CNTLN: variants seen among roughly 807,000 people sequenced by gnomAD.
The protein encoded by CNTLN is centlein, centrosomal protein.
Under a neutral mutation model 180.0 loss-of-function variants are expected in CNTLN, and 212 were observed. The observed-to-expected ratio is 1.18, with a 90% CI of 1.05 to 1.32. The LOEUF (loss-of-function observed/expected upper bound fraction) is 1.32, where lower values mean the gene tolerates loss of function less well. Among genes scored for constraint, CNTLN ranks in the 40% most tolerant of loss-of-function variants. The probability of loss-of-function intolerance (pLI) is 0.00; values close to 1 mark genes in which losing one functional copy is unlikely to be tolerated. For synonymous variants in CNTLN, 722 were observed against 563.1 expected, an observed-to-expected ratio of 1.28 and a Z score of -3.99; for missense variants, 2,095 against 1,610.9, an observed-to-expected ratio of 1.30 and a Z score of -5.14.
At chr9:17,508,968 G>C in the CNTLN span, among the ~76,000 whole-genome samples, 1 of 152,192 alleles carries the variant, frequency 6.6e-6, no homozygotes, top group Admixed American at 6.5e-5. Context: ...TACATCCCAT[G>C]TCATGCTCAC....
intron 2 of CNTLN, among the ~76,000 whole-genome samples, chr9:17,153,817 A>C (rs2131533816): frequency 6.6e-6 from 1 of 152,220 alleles, no homozygotes; most frequent in South Asian, 2.1e-4. Context: ...TGGTCTTTTC[A>C]CATAGTCCCA....
Position 17,208,080 on chromosome 9 carries a change from A to G in CNTLN, c.450-18123A>G, listed in dbSNP as rs1040252301. Reference sequence around the variant, plus strand: ...AAAGACTTACAGTTTTTCCACATTCAATATTAATACTAGCTTTTGGTTTGT... The same window carrying G: ...AAAGACTTACAGTTTTTCCACATTCGATATTAATACTAGCTTTTGGTTTGT... On this transcript the variant is annotated intron_variant, in intron 2 of 25. Transcript: ENST00000380647. Among the ~76,000 whole-genome samples the G allele has an allele frequency of 5.9e-5, 9 of 152,216 alleles. No individual in the cohort carries two copies. The East Asian group carries it at 1.7e-3, about 30-fold the overall frequency.
At chr9:17,290,849 G>T (rs1829341701) in intron 6 of CNTLN, among the ~76,000 whole-genome samples, 1 of 152,190 alleles carries the variant, frequency 6.6e-6, no homozygotes, top group Non-Finnish European at 1.5e-5. Context: ...GTGAGGCAAT[G>T]CCTCGCCCTG....
chr9:17,392,509 G>T (rs1016801198), intron 14 of CNTLN, among the ~76,000 whole-genome samples: 1 of 152,070 alleles, frequency 6.6e-6, no homozygotes, highest in Admixed American at 6.6e-5. Context: ...ATATTAATCA[G>T]CTCCCCAATA....
intron 20 of CNTLN, 29 bp downstream of exon 20, chr9:17,463,042 A>G (rs1439392845): frequency 7.2e-7 from 1 of 1,393,300 alleles, no homozygotes; most frequent in African/African-American, 1.5e-5. Flanking sequence ...TATCCATTGT[A>G]TTTGGTGCCA....
intron 2 of CNTLN, among the ~76,000 whole-genome samples, chr9:17,148,524 C>T (rs1818612490): frequency 6.6e-6 from 1 of 152,154 alleles, no homozygotes. Context: ...CTTATCTAAC[C>T]CATTGTTTTC....
chr9:17,418,361 C>T (rs192646754), intron 18 of CNTLN, among the ~76,000 whole-genome samples: 206 of 152,008 alleles, frequency 1.4e-3, no homozygotes, highest in African/African-American at 4.8e-3. Context: ...TAAAGTAACT[C>T]CCCAAATATT....
chr9:17,209,343 A>G (rs959889581), intron 2 of CNTLN, among the ~76,000 whole-genome samples: 1 of 152,166 alleles, frequency 6.6e-6, no homozygotes, highest in African/African-American at 2.4e-5. Context: ...CATATGGTCT[A>G]TTCTTGATAA....
chr9:17,280,163 G>C (rs568299209), intron 6 of CNTLN, among the ~76,000 whole-genome samples: 1 of 152,258 alleles, frequency 6.6e-6, no homozygotes, highest in African/African-American at 2.4e-5. Flanking sequence ...ACAATCACTA[G>C]TAACTGAAAG....
chr9:17,458,409 T>C (rs1831261725), intron 19 of CNTLN, among the ~76,000 whole-genome samples: 1 of 151,908 alleles, frequency 6.6e-6, no homozygotes, highest in South Asian at 2.1e-4. Context: ...TTTTCTTCAG[T>C]GGGGATTGCT....
chr9:17,480,374 CATT>C (rs1275074867), intron 23 of CNTLN, among the ~76,000 whole-genome samples: 64 of 146,710 alleles, frequency 4.4e-4, no homozygotes, highest in Non-Finnish European at 1.2e-4. Context: ...AAAAAAAACA[CATT>C]AGGAATGACA....
In CNTLN at chr9:17,409,749, A is replaced by T. The variant is rs965714749; in HGVS notation, c.2796+276A>T. 3.9e-5 allele frequency among the ~76,000 whole-genome samples: 6 copies of T among 152,232 alleles called. No homozygotes were observed. In the South Asian group the frequency reaches 1.2e-3, roughly 32 times the overall value. Reference sequence around the variant, plus strand: ...AATAAGCTCATTATTGTTTTCAGGTATATGAAATATTCCAAATGATGAAAC... The same window carrying T: ...AATAAGCTCATTATTGTTTTCAGGTTTATGAAATATTCCAAATGATGAAAC... On this transcript the variant is annotated intron_variant, in intron 16 of 25. Coordinates refer to ENST00000380647, the MANE Select transcript of CNTLN (RefSeq NM_017738.4).
At chr9:17,216,396 C>T (rs1393989178) in intron 2 of CNTLN, among the ~76,000 whole-genome samples, 1 of 152,048 alleles carries the variant, frequency 6.6e-6, no homozygotes, top group Admixed American at 6.6e-5. Context: ...TTTTCCTCCT[C>T]CTGTTTGGTA....
chr9:17,431,301 T>C (rs766761331), intron 18 of CNTLN, among the ~76,000 whole-genome samples: 13 of 152,178 alleles, frequency 8.5e-5, no homozygotes, highest in Non-Finnish European at 1.6e-4. Flanking sequence ...CAGTTATGAT[T>C]AATGACATTG....
chr9:17,185,805 CTG>C (rs1821399673), intron 2 of CNTLN, among the ~76,000 whole-genome samples: 1 of 94,972 alleles, frequency 1.1e-5, no homozygotes, highest in South Asian at 3.9e-4. Context: ...GTGTGTGTAT[CTG>C]TGTGTGTCAG....
chr9:17,506,170 G>T (rs1384831437), downstream of CNTLN, among the ~76,000 whole-genome samples: 1 of 152,002 alleles, frequency 6.6e-6, no homozygotes, highest in African/African-American at 2.4e-5. Flanking sequence ...AATGTAAAAT[G>T]TAGAATATAA....
At chr9:17,375,474 G>T (rs1362227118) in intron 13 of CNTLN, among the ~76,000 whole-genome samples, 2 of 152,128 alleles carry the variant, frequency 1.3e-5, no homozygotes, top group African/African-American at 4.8e-5. Flanking sequence ...TGCATTGCCT[G>T]TGTATCACAT....
At chr9:17,266,443 G>C (rs771566985) in intron 5 of CNTLN, among the ~76,000 whole-genome samples, 1 of 152,088 alleles carries the variant, frequency 6.6e-6, no homozygotes, top group Non-Finnish European at 1.5e-5. Context: ...TTGCTGAGGA[G>C]AGCTTTGCTT....
intron 8 of CNTLN, among the ~76,000 whole-genome samples, chr9:17,311,149 C>T (rs977037622): frequency 9.2e-5 from 14 of 151,908 alleles, no homozygotes; most frequent in Non-Finnish European, 1.5e-4. Context: ...CTCAGCCTCC[C>T]GAGTAGCTGG....
Sources: gnomAD v4.1 joint callset for allele counts (sites outside exome capture counted in the v4.1 genomes callset) on GRCh38, gnomAD v4.1.1 for gene constraint, MANE v1.5 for transcripts, NCBI Gene and HGNC (gene_info 2026-07-23, HGNC 2026-07-21) for gene names.